ANKHD1: variants seen among roughly 807,000 people sequenced by gnomAD.
ANKHD1 encodes the protein ankyrin repeat and KH domain-containing protein 1.
Under a neutral mutation model 230.5 loss-of-function variants are expected in ANKHD1, and 31 were observed. The observed-to-expected ratio is 0.13, with a 90% CI of 0.10 to 0.18. The LOEUF (loss-of-function observed/expected upper bound fraction) is 0.18, where lower values mean the gene tolerates loss of function less well. ANKHD1 is among the 10% of genes least tolerant of loss of function. The pLI, the probability that ANKHD1 is intolerant of heterozygous loss-of-function variation, is 1.00. For synonymous variants in ANKHD1, 1,074 were observed against 1,117.6 expected, an observed-to-expected ratio of 0.96 and a Z score of 0.78; for missense variants, 2,256 against 3,071.3, an observed-to-expected ratio of 0.73 and a Z score of 6.27.
At chr5:140,481,392 A>C (rs933537448) in intron 10 of ANKHD1, among the ~76,000 whole-genome samples, 1 of 152,108 alleles carries the variant, frequency 6.6e-6, no homozygotes, top group Non-Finnish European at 1.5e-5. Flanking sequence ...CTAGAGTTAA[A>C]AGATTCTTAT....
At chr5:140,457,599 C>T (rs879599658) in intron 7 of ANKHD1, among the ~76,000 whole-genome samples, 1 of 152,032 alleles carries the variant, frequency 6.6e-6, no homozygotes, top group Admixed American at 6.6e-5. Flanking sequence ...CAAACTATCA[C>T]AAGAACAAAA....
chr5:140,522,861 C>T (rs944662652), intron 24 of ANKHD1, among the ~76,000 whole-genome samples: 2 of 152,080 alleles, frequency 1.3e-5, no homozygotes, highest in Non-Finnish European at 2.9e-5. Flanking sequence ...TTGTAGCCAT[C>T]CTAGTGGGTG....
At chr5:140,432,731 CAG>C (rs1773141694) in intron 1 of ANKHD1, among the ~76,000 whole-genome samples, 1 of 151,806 alleles carries the variant, frequency 6.6e-6, no homozygotes, top group African/African-American at 2.4e-5. Flanking sequence ...TTTTAAGAGA[CAG>C]TGTCTTGCTC....
chr5:140,487,393 T>C (rs1751558480), intron 14 of ANKHD1, among the ~76,000 whole-genome samples: 1 of 152,178 alleles, frequency 6.6e-6, no homozygotes, highest in African/African-American at 2.4e-5. Context: ...AGCTAACCAA[T>C]AGTAAATGAA....
At chr5:140,413,266 C>T (rs1771085380) in intron 1 of ANKHD1, among the ~76,000 whole-genome samples, 2 of 152,150 alleles carry the variant, frequency 1.3e-5, no homozygotes, top group African/African-American at 2.4e-5. Flanking sequence ...TAAAATCTAT[C>T]ATTTTAACCA....
chr5:140,417,238 A>G (rs926941158), intron 1 of ANKHD1, among the ~76,000 whole-genome samples: 2 of 152,004 alleles, frequency 1.3e-5, no homozygotes, highest in African/African-American at 4.8e-5. Context: ...TTTATCCTTT[A>G]TATGATTAGA....
intron 10 of ANKHD1, among the ~76,000 whole-genome samples, chr5:140,467,027 C>A (rs981498766): frequency 1.3e-5 from 2 of 151,608 alleles, no homozygotes; most frequent in African/African-American, 4.8e-5. Flanking sequence ...TCATTTTTAT[C>A]TTGCAATCTA....
In ANKHD1 at chr5:140,485,458, T is replaced by C; in HGVS notation, c.1999-131T>C. 3 of 1,222,374 alleles carry C rather than the reference T, an allele frequency of 2.5e-6. No individual in the cohort carries two copies. Among genetic ancestry groups the C allele is most frequent in the Non-Finnish European group, 3.3e-6 (3 of 915,728 alleles). 75.7% of individuals were successfully genotyped at this position (1,222,374 alleles called of 1,614,324 possible). A position where few individuals can be genotyped will look rare whatever the true frequency, so the allele number is the denominator to read the frequency against. On this transcript the variant is annotated intron_variant, in intron 12 of 33. Coordinates refer to ENST00000360839, the MANE Select transcript of ANKHD1 (RefSeq NM_017747.3). The surrounding 1 kb of genome is among the most constrained non-coding windows in gnomAD (Gnocchi z 4.8). ...TATGTGTATATATATATAAATAATA[T>C]GTGTATAGTTATAAAAATATGTTTG... is the stretch of plus-strand genomic sequence containing the variant.
chr5:140,465,714 T>C (rs747066988), intron 10 of ANKHD1, among the ~76,000 whole-genome samples: 9 of 152,206 alleles, frequency 5.9e-5, no homozygotes, highest in Non-Finnish European at 1.3e-4. Flanking sequence ...ATGATTGTTA[T>C]TTATTATCAT....
chr5:140,446,670 A>G lies in ANKHD1; in HGVS notation c.1147+695A>G, dbSNP rs1210659876. Among the ~76,000 whole-genome samples, 3 of 152,108 alleles carry G rather than the reference A, an allele frequency of 2.0e-5. No individual in the cohort carries two copies. The East Asian group carries it at 5.8e-4, about 29-fold the overall frequency. ...CAGGCGTGAGCCAGCACACCCAGCT[A>G]AAGAAAAGAAATTTTAAAATGACAT... On this transcript the variant is annotated intron_variant, in intron 6 of 33. Coordinates refer to ENST00000360839, the MANE Select transcript of ANKHD1 (RefSeq NM_017747.3).
At chr5:140,479,097 C>T (rs1435857072) in intron 10 of ANKHD1, among the ~76,000 whole-genome samples, 2 of 151,842 alleles carry the variant, frequency 1.3e-5, no homozygotes, top group East Asian at 3.9e-4. Flanking sequence ...CTTCTGGGTT[C>T]ATGCCATTCT....
At chr5:140,446,580 T>G (rs943725739) in intron 6 of ANKHD1, among the ~76,000 whole-genome samples, 1 of 151,990 alleles carries the variant, frequency 6.6e-6, no homozygotes, top group Admixed American at 6.6e-5. Context: ...AGGCTGGTCT[T>G]GAACTCCTGA....
At chr5:140,489,011 G>A (rs1751640796) in intron 14 of ANKHD1, among the ~76,000 whole-genome samples, 2 of 151,936 alleles carry the variant, frequency 1.3e-5, no homozygotes, top group South Asian at 4.2e-4. Flanking sequence ...GCAACATGGC[G>A]AAACCCTGTC....
intron 6 of ANKHD1, among the ~76,000 whole-genome samples, chr5:140,446,833 T>C (rs181827863): frequency 1.1e-3 from 167 of 152,316 alleles, no homozygotes; most frequent in African/African-American, 3.0e-3. Flanking sequence ...AGTTTTATAA[T>C]CTACTTATTT....
chr5:140,435,836 T>G (rs1773410260), intron 1 of ANKHD1, among the ~76,000 whole-genome samples: 1 of 152,156 alleles, frequency 6.6e-6, no homozygotes, highest in South Asian at 2.1e-4. Context: ...TGACTGGCCT[T>G]AATATTGCTT....
At chr5:140,419,843 T>C (rs1771786931) in intron 1 of ANKHD1, among the ~76,000 whole-genome samples, 1 of 143,352 alleles carries the variant, frequency 7.0e-6, no homozygotes, top group Non-Finnish European at 1.5e-5. Context: ...TCTTTTTCTT[T>C]CTCTTTCTTT....
intron 14 of ANKHD1, among the ~76,000 whole-genome samples, chr5:140,491,879 G>C (rs1018899636): frequency 6.6e-6 from 1 of 152,122 alleles, no homozygotes; most frequent in South Asian, 2.1e-4. Flanking sequence ...TGAGTGCAAG[G>C]CTAAGAATAT....
At chr5:140,454,023 A>G (rs1774960637) in intron 7 of ANKHD1, among the ~76,000 whole-genome samples, 1 of 152,220 alleles carries the variant, frequency 6.6e-6, no homozygotes, top group African/African-American at 2.4e-5. Flanking sequence ...AGTAAGACCT[A>G]CCAAGCAAAT....
At position 140,504,304 on chromosome 5, in the gene ANKHD1, G is replaced by A. The variant is rs148414901; in HGVS notation, c.3005-517G>A. On this transcript the variant is annotated intron_variant, in intron 15 of 33. Transcript: ENST00000360839. The stretch of plus-strand genomic sequence containing the variant: ...TGACCTCAGGTGATTCACCCGCCTC[G>A]GCCTCCCAAAGTGCTGGGATTACAG... Among the ~76,000 whole-genome samples the A allele has an allele frequency of 6.7e-3, 1,017 of 152,208 alleles. 14 individuals carry two copies. The highest frequency in any genetic ancestry group is 0.024 in the African/African-American group (984 of 41,532).
Sources: gnomAD v4.1 joint callset for allele counts (sites outside exome capture counted in the v4.1 genomes callset) on GRCh38, gnomAD v4.1.1 for gene constraint, Gnocchi (gnomAD v3.1) non-coding constraint, MANE v1.5 for transcripts, NCBI Gene and HGNC (gene_info 2026-07-23, HGNC 2026-07-21) for gene names.